MAP2K7: variants seen among roughly 807,000 people sequenced by gnomAD.
MAP2K7 encodes dual specificity mitogen-activated protein kinase kinase 7.
MAP2K7 carries 12 observed loss-of-function variants against 47.7 expected under a neutral mutation model. The ratio of observed to expected loss-of-function variants is 0.25; its 90% CI spans 0.16 to 0.41. The LOEUF (loss-of-function observed/expected upper bound fraction) is 0.41. Among genes scored for constraint, MAP2K7 ranks in the 10% least tolerant of loss-of-function variants. The pLI, the probability that MAP2K7 is intolerant of heterozygous loss-of-function variation, is 1.00. For missense variants in MAP2K7, 415 were observed against 600.3 expected (o/e 0.69, Z 3.23); for synonymous variants, 299 against 243.0 (o/e 1.23, Z -2.14).
chr19:7,911,649 G>A, intron 9 of MAP2K7, 71 bp downstream of exon 9: 3 of 1,417,888 alleles, frequency 2.1e-6, no homozygotes, highest in Non-Finnish European at 2.8e-6. Flanking sequence ...GGCAATGGCA[G>A]GAGGGGAATG....
rs761549769 is a variant in MAP2K7 at position 7,910,368 on chromosome 19, G to A, written c.442G>A (p.Val148Ile). 19 of 1,611,932 alleles carry A rather than the reference G, an allele frequency of 1.2e-5. No homozygotes were observed. Among genetic ancestry groups the A allele is most frequent in the Admixed American group, 3.3e-5 (2 of 59,860 alleles). The change falls in exon 4 of 11, where the codon GTT becomes ATT. Residue 148 changes from valine to isoleucine, a missense_variant. By Grantham distance (29) the Val-to-Ile change is conservative. Around this residue, in one of 3 missense-constraint regions of MAP2K7, gnomAD observed 206 missense variants for 368.8 expected, o/e 0.56. Coordinates refer to ENST00000397979, the MANE Select transcript of MAP2K7 (RefSeq NM_145185.4). The part of the protein sequence containing the change: ...RFRKTGHVIA[V>I]KQMRRSGNKE... ...CCGGAAGACCGGCCACGTCATTGCC[G>A]TTAAGGTGAGCCTTGGCGGCTACCC... is the stretch of plus-strand genomic sequence containing the variant.
In MAP2K7 at chr19:7,912,671, G is replaced by A; in HGVS notation, c.*240G>A. The A allele has an allele frequency of 1.7e-6, 1 of 576,922 alleles. No individual in the cohort carries two copies. Among genetic ancestry groups the A allele is most frequent in the East Asian group, 2.9e-5 (1 of 34,026 alleles). The allele number at this position is 576,922 out of a possible 1,614,324, so 35.7% of individuals were successfully genotyped here. A position where few individuals can be genotyped will look rare whatever the true frequency, so the allele number is the denominator to read the frequency against. ...CCCCCGACAGACACTGTGAACGGAAGACAGCAGGCCGCGATCAGAGTCGCT... is the reference window on the plus strand; with the variant it reads ...CCCCCGACAGACACTGTGAACGGAAAACAGCAGGCCGCGATCAGAGTCGCT... On this transcript the variant is annotated 3_prime_UTR_variant, in exon 11 of 11. Coordinates refer to ENST00000397979, the MANE Select transcript of MAP2K7 (RefSeq NM_145185.4).
At chr19:7,907,606 C>G (rs1293488834) in intron 1 of MAP2K7, among the ~76,000 whole-genome samples, 1 of 152,196 alleles carries the variant, frequency 6.6e-6, no homozygotes, top group Non-Finnish European at 1.5e-5. Context: ...CTTTGTGTAC[C>G]TCCTTCCCCC....
chr19:7,905,889 C>A (rs1165101920), intron 1 of MAP2K7: 3 of 1,605,828 alleles, frequency 1.9e-6, no homozygotes, highest in Non-Finnish European at 2.6e-6. Context: ...GCTTGGACAT[C>A]TGCACCATTG....
At position 7,912,514 on chromosome 19, in the gene MAP2K7, CA is replaced by C. The variant is rs1982957852; in HGVS notation, c.*84del. On this transcript the variant is annotated 3_prime_UTR_variant, in exon 11 of 11. Transcript: ENST00000397979. ...CCCACTTGGCCACCCAGCTGCCTGC[CA>C]GGGGAGACCTGGGACCTGGACGGCC... 3 of 1,477,646 alleles carry C rather than the reference CA, an allele frequency of 2.0e-6. No individual in the cohort carries two copies. Among genetic ancestry groups the C allele is most frequent in the Non-Finnish European group, 2.7e-6 (3 of 1,112,410 alleles). 91.5% of individuals were successfully genotyped at this position (1,477,646 alleles called of 1,614,324 possible).
Position 7,909,791 on chromosome 19 carries a change from G to T in MAP2K7, c.161G>T (p.Arg54Leu). The T allele has an allele frequency of 6.5e-7, 1 of 1,542,396 alleles. No individual in the cohort carries two copies. Among genetic ancestry groups the T allele is most frequent in the African/African-American group, 1.4e-5 (1 of 72,964 alleles). Residue 54 changes from arginine (R) to leucine (L), a missense_variant, in exon 2 of 11, where the codon CGC becomes CTC. Coordinates refer to ENST00000397979, the MANE Select transcript of MAP2K7 (RefSeq NM_145185.4). ...CCGCTGGCCAACGATGGGGGCAGCC[G>T]CTCGCCATCCTCAGAGAGCTCCCCG... is the stretch of plus-strand genomic sequence containing the variant. ...QLPLANDGGS[R>L]SPSSESSPQH... is the part of the protein sequence containing the mutation.
chr19:7,905,749 CA>C, intron 1 of MAP2K7: 2 of 1,382,972 alleles, frequency 1.4e-6, no homozygotes, highest in South Asian at 2.3e-5. Flanking sequence ...TTGGACGAAT[CA>C]GTCGTTTCTG....
At chr19:7,907,904 A>G (rs1007024469) in intron 1 of MAP2K7, among the ~76,000 whole-genome samples, 4 of 152,084 alleles carry the variant, frequency 2.6e-5, no homozygotes, top group Non-Finnish European at 5.9e-5. Context: ...CCAGAAGGGG[A>G]CTGGGGCTGT....
At position 7,911,275 on chromosome 19, in the gene MAP2K7, C is replaced by T. The variant is rs779379219; in HGVS notation, c.881C>T (p.Pro294Leu). The change falls in exon 8 of 11, where the codon CCC becomes CTC. Residue 294 changes from proline (P) to leucine (L), a missense_variant. Physicochemically the swap from Pro to Leu is moderately conservative, Grantham distance 98 (BLOSUM62 -3). Transcript: ENST00000397979. ...CCCGAGCGCATTGACCCCCCAGACC[C>T]CACCAAGCCGGACTATGACATCCGG... ...MAPERIDPPDPTKPDYDIRAD... is the reference protein window; with the variant it reads ...MAPERIDPPDLTKPDYDIRAD... The T allele has an allele frequency of 6.2e-6, 10 of 1,613,166 alleles. No homozygotes were observed. Among genetic ancestry groups the T allele is most frequent in the African/African-American group, 1.3e-5 (1 of 74,908 alleles).
chr19:7,904,516 C>T, intron 1 of MAP2K7: 1 of 294,216 alleles, frequency 3.4e-6, no homozygotes, highest in South Asian at 2.4e-5. Context: ...ACGATCTACG[C>T]ACACGCGCAC....
At position 7,909,791 on chromosome 19, in the gene MAP2K7, G is replaced by A. The variant is rs533357050; in HGVS notation, c.161G>A (p.Arg54His). ...CCGCTGGCCAACGATGGGGGCAGCC[G>A]CTCGCCATCCTCAGAGAGCTCCCCG... ...QLPLANDGGS[R>H]SPSSESSPQH... The change falls in exon 2 of 11, where the codon CGC becomes CAC. Residue 54 changes from arginine to histidine, a missense_variant. Transcript: ENST00000397979. 131 of 1,542,394 alleles carry A rather than the reference G, an allele frequency of 8.5e-5. No homozygotes were observed. In the East Asian group the frequency reaches 3.0e-3, roughly 36 times the overall value.
chr19:7,910,429 TC>T (rs1447521264), intron 4 of MAP2K7, 23 bp from the exon 5 acceptor site: 1 of 1,602,642 alleles, frequency 6.2e-7, no homozygotes, highest in Admixed American at 1.7e-5. Flanking sequence ...GTGCTGAGGC[TC>T]CCTCCTGTCC....
At chr19:7,909,079 C>G (rs1003822578) in intron 1 of MAP2K7, among the ~76,000 whole-genome samples, 1 of 152,192 alleles carries the variant, frequency 6.6e-6, no homozygotes, top group South Asian at 2.1e-4. Flanking sequence ...GCTGTGCCCC[C>G]GAGCTCTCCT....
Position 7,903,890 on chromosome 19 carries a change from T to C in MAP2K7, c.-55T>C, listed in dbSNP as rs1982244408. 2.9e-6 allele frequency: 4 copies of C among 1,373,646 alleles called. No individual in the cohort carries two copies. In the South Asian group the frequency reaches 5.7e-5, roughly 20 times the overall value. The allele number at this position is 1,373,646 out of a possible 1,614,324, so 85.1% of individuals were successfully genotyped here. ...GGGCGCAGGCGCAGTGCGGTGTTTG[T>C]CTGCCGGACTGACGGGCGGCCGGGC... is the stretch of plus-strand genomic sequence containing the variant. On this transcript the variant is annotated 5_prime_UTR_variant, in exon 1 of 11. Coordinates refer to ENST00000397979, the MANE Select transcript of MAP2K7 (RefSeq NM_145185.4).
At position 7,908,280 on chromosome 19, in the gene MAP2K7, G is replaced by C. The variant is rs149750125; in HGVS notation, c.125-1475G>C. On this transcript the variant is annotated intron_variant, in intron 1 of 10. Transcript: ENST00000397979. ...AGGCCAGTCATGAACGCTGGGCCTG[G>C]CTGTGTCCCAAGGTCCCCAGAGCCC... 3.7e-3 allele frequency among the ~76,000 whole-genome samples: 558 copies of C among 152,220 alleles called. 14 individuals are homozygous for C. The highest frequency in any genetic ancestry group is 0.031 in the Admixed American group (480 of 15,296).
intron 10 of MAP2K7, 48 bp downstream of exon 10, chr19:7,912,242 C>G (rs374954788): frequency 3.7e-6 from 6 of 1,613,426 alleles, no homozygotes; most frequent in East Asian, 2.2e-5. Context: ...TGCGGAGGCG[C>G]GAGGCCAGGA....
At chr19:7,904,535 C>CG (rs146854596) in intron 1 of MAP2K7, 2,912 of 255,060 alleles carry the variant, frequency 0.011, 37 homozygotes, top group South Asian at 0.016. Context: ...ACGCCTGGCT[C>CG]GGGGACACCT....
rs1982756145 is a variant in MAP2K7, at chr19:7,910,464, C to T, written c.459C>T (p.Arg153=). Residue 153 remains arginine, a synonymous_variant, in exon 5 of 11, where the codon CGC becomes CGT. Transcript: ENST00000397979. ...CCCTGCCTGTGCAGCAAATGCGGCG[C>T]TCCGGGAACAAGGAGGAGAACAAGC... ...GHVIAVKQMR[R]SGNKEENKRI... 6.2e-7 allele frequency: 1 copy of T among 1,608,630 alleles called. No homozygotes were observed. The highest frequency in any genetic ancestry group is 1.3e-5 in the African/African-American group (1 of 74,762).
At chr19:7,905,959 C>T in intron 1 of MAP2K7, 1 of 981,334 alleles carries the variant, frequency 1.0e-6, no homozygotes, top group Non-Finnish European at 1.6e-6. Flanking sequence ...CTGTGTGTGT[C>T]CCCATGTCCC....
Sources: gnomAD v4.1 joint callset for allele counts (sites outside exome capture counted in the v4.1 genomes callset) on GRCh38, gnomAD v4.1.1 for gene constraint, gnomAD v4.1.1 regional missense constraint, MANE v1.5 for transcripts, NCBI Gene and HGNC (gene_info 2026-07-23, HGNC 2026-07-21) for gene names.